Variants in DIP2A observed in about 807,000 individuals in gnomAD.
The protein encoded by DIP2A is DIP2 acetate--CoA ligase A, also known as disco-interacting protein 2 homolog A.
A neutral mutation model predicts 177.4 loss-of-function variants in DIP2A; 85 were observed. The ratio of observed to expected loss-of-function variants is 0.48; its 90% CI spans 0.40 to 0.57. The LOEUF is 0.57. Among genes scored for constraint, DIP2A ranks in the 20% least tolerant of loss-of-function variants. The probability of loss-of-function intolerance (pLI) is 0.00; values close to 1 mark genes in which losing one functional copy is unlikely to be tolerated. For missense variants in DIP2A, 1,791 were observed against 2,100.2 expected (o/e 0.85, Z 2.88); for synonymous variants, 886 against 881.8 (o/e 1.00, Z -0.08).
chr21:46,514,509 A>G (rs1173422336), intron 8 of DIP2A, among the ~76,000 whole-genome samples: 1 of 151,628 alleles, frequency 6.6e-6, no homozygotes, highest in East Asian at 1.9e-4. Context: ...GTTTACTCAT[A>G]ATTAGAAGTT....
intron 1 of DIP2A, among the ~76,000 whole-genome samples, chr21:46,473,901 T>C (rs962420597): frequency 5.3e-5 from 8 of 152,216 alleles, no homozygotes; most frequent in African/African-American, 1.9e-4. Context: ...AAAAAATGTA[T>C]TAACAAAACA....
At chr21:46,503,587 C>A (rs1167863165) in intron 5 of DIP2A, among the ~76,000 whole-genome samples, 1 of 116,234 alleles carries the variant, frequency 8.6e-6, no homozygotes, top group African/African-American at 3.7e-5. Context: ...TTCCTTCCTT[C>A]CTTCCTTCCT....
Position 46,566,571 on chromosome 21 carries a change from G to A in DIP2A, c.4351G>A (p.Ala1451Thr). The A allele has an allele frequency of 6.2e-7, 1 of 1,614,122 alleles. No homozygotes were observed. The change falls in exon 37 of 38, where the codon GCA becomes ACA. Residue 1451 changes from alanine (A) to threonine (T), a missense_variant. Coordinates refer to ENST00000417564, the MANE Select transcript of DIP2A (RefSeq NM_015151.4). ...CACACTGTTCACAGGGCGGCACGAT[G>A]CACTGTATGTGGTTGGGTCTCTGGA... The part of the protein sequence containing the change: ...LTDASGGRHD[A>T]LYVVGSLDET...
chr21:46,513,985 C>T (rs2058430360), intron 8 of DIP2A, among the ~76,000 whole-genome samples: 1 of 152,168 alleles, frequency 6.6e-6, no homozygotes, highest in Non-Finnish European at 1.5e-5. Context: ...AGGCCTGCTT[C>T]AATTTCTGTC....
intron 31 of DIP2A, 59 bp from the exon 32 acceptor site, chr21:46,558,164 C>T: frequency 2.0e-6 from 3 of 1,532,702 alleles, no homozygotes; most frequent in Non-Finnish European, 2.6e-6. Context: ...AAACAGTGCC[C>T]AGGGCCCTGG....
In DIP2A at chr21:46,557,856, T is replaced by G; in HGVS notation, c.3798+103T>G. ...AGACTCCCAAGGCCCCTCCCTGCAG[T>G]TGGAGGAAGTAGAGAAAACCCTTTC... On this transcript the variant is annotated intron_variant, in intron 31 of 37. Coordinates refer to ENST00000417564, the MANE Select transcript of DIP2A (RefSeq NM_015151.4). This position sits in a 1 kb window ranked among gnomAD's most constrained non-coding sequence, Gnocchi z 6.0. The G allele has an allele frequency of 7.2e-7, 1 of 1,383,390 alleles. No individual in the cohort carries two copies. Among genetic ancestry groups the G allele is most frequent in the Non-Finnish European group, 9.7e-7 (1 of 1,029,984 alleles). The allele number at this position is 1,383,390 out of a possible 1,614,324, so 85.7% of individuals were successfully genotyped here.
chr21:46,493,413 T>C (rs1333147732), intron 3 of DIP2A, among the ~76,000 whole-genome samples: 3 of 152,218 alleles, frequency 2.0e-5, no homozygotes, highest in African/African-American at 7.2e-5. Context: ...TTTCTTGCTC[T>C]CTTTTCGTGA....
intron 2 of DIP2A, among the ~76,000 whole-genome samples, chr21:46,490,155 C>G (rs1287732332): frequency 6.6e-6 from 1 of 152,166 alleles, no homozygotes. Flanking sequence ...CTGGTGGACC[C>G]CAGTGGTGGT....
chr21:46,528,922 AAAC>A (rs1004580376), intron 8 of DIP2A, among the ~76,000 whole-genome samples, 167 bp from the exon 9 acceptor site: 61 of 152,300 alleles, frequency 4.0e-4, no homozygotes, highest in African/African-American at 1.5e-3. Context: ...TTTTAAGAGA[AAAC>A]AATGATGTTC....
In DIP2A at chr21:46,556,689, A is replaced by G; in HGVS notation, c.3499-250A>G. On this transcript the variant is annotated intron_variant, in intron 29 of 37. Transcript: ENST00000417564. This position sits in a 1 kb window ranked among gnomAD's most constrained non-coding sequence, Gnocchi z 4.5. ...CAGAGCAAGACTCTGCCTCAAAAAA[A>G]AAAAAAAGAAAAAAATTTTAAAAAT... The G allele has an allele frequency of 2.3e-6, 1 of 442,408 alleles. No individual in the cohort carries two copies. The highest frequency in any genetic ancestry group is 4.0e-6 in the Non-Finnish European group (1 of 251,844). The allele number at this position is 442,408 out of a possible 1,614,324, so 27.4% of individuals were successfully genotyped here.
At chr21:46,559,913 A>G (rs963798082) in intron 32 of DIP2A, among the ~76,000 whole-genome samples, 12 of 152,084 alleles carry the variant, frequency 7.9e-5, no homozygotes, top group Admixed American at 5.2e-4. Context: ...TCCCCCTCCC[A>G]TGAGTTCATG....
intron 6 of DIP2A, among the ~76,000 whole-genome samples, chr21:46,506,052 A>C (rs1029520084): frequency 2.0e-5 from 3 of 152,144 alleles, no homozygotes; most frequent in Admixed American, 6.6e-5. Flanking sequence ...TTTTGCATAG[A>C]TGGGTACTTT....
chr21:46,550,833 A>G, intron 23 of DIP2A, 89 bp downstream of exon 23: 1 of 1,326,500 alleles, frequency 7.5e-7, no homozygotes, highest in Non-Finnish European at 1.0e-6. Flanking sequence ...CTAGACCTCC[A>G]GTGCCAACTG....
At chr21:46,478,299 G>A (rs940062417) in intron 1 of DIP2A, among the ~76,000 whole-genome samples, 2 of 151,522 alleles carry the variant, frequency 1.3e-5, no homozygotes, top group Non-Finnish European at 1.5e-5. Flanking sequence ...AGCAACCTCC[G>A]CCTCCTGGGT....
intron 8 of DIP2A, among the ~76,000 whole-genome samples, chr21:46,514,392 C>T (rs977686037): frequency 2.0e-5 from 3 of 150,726 alleles, no homozygotes; most frequent in Admixed American, 6.6e-5. Flanking sequence ...GCTGAGATCG[C>T]ACCACTGCAC....
chr21:46,517,728 T>G (rs1460956986), intron 8 of DIP2A, among the ~76,000 whole-genome samples: 1 of 152,230 alleles, frequency 6.6e-6, no homozygotes, highest in Non-Finnish European at 1.5e-5. Flanking sequence ...CTGCAGGAGG[T>G]GGCTGTGCTC....
At position 46,537,442 on chromosome 21, in the gene DIP2A, A is replaced by G. The variant is rs2059621850; in HGVS notation, c.1708-4A>G. ...TCGCCCTAAGCATGTGTGCTCCCCC[A>G]CAGAGCGTCATGAACAGGATGCACG... On this transcript the variant is annotated splice_polypyrimidine_tract_variant and splice_region_variant and intron_variant, in intron 14 of 37. Coordinates refer to ENST00000417564, the MANE Select transcript of DIP2A (RefSeq NM_015151.4). This position sits in a 1 kb window ranked among gnomAD's most constrained non-coding sequence, Gnocchi z 4.1. 6.2e-7 allele frequency: 1 copy of G among 1,613,482 alleles called. No homozygotes were observed. Among genetic ancestry groups the G allele is most frequent in the African/African-American group, 1.3e-5 (1 of 74,880 alleles).
intron 6 of DIP2A, among the ~76,000 whole-genome samples, chr21:46,506,804 C>CAT (rs2058035570): frequency 1.3e-5 from 1 of 74,260 alleles, no homozygotes; most frequent in Non-Finnish European, 2.7e-5. Flanking sequence ...TCTTTCTTCT[C>CAT]TTTTTTTTTT....
chr21:46,470,380 G>A (rs1212421493), intron 1 of DIP2A, among the ~76,000 whole-genome samples: 4 of 151,620 alleles, frequency 2.6e-5, no homozygotes, highest in Non-Finnish European at 4.4e-5. Flanking sequence ...ACGCTGAGGC[G>A]GGAGAATCAC....
Sources: allele counts gnomAD v4.1 joint callset (sites outside exome capture counted in the v4.1 genomes callset), GRCh38; gene constraint gnomAD v4.1.1; non-coding constraint Gnocchi (gnomAD v3.1); transcripts MANE v1.5; gene names NCBI Gene and HGNC (gene_info 2026-07-23, HGNC 2026-07-21).